The following CCDC73 variants were observed in gnomAD, a reference collection of about 807,000 sequenced individuals.
CCDC73 encodes coiled-coil domain containing 73.
A neutral mutation model predicts 116.5 loss-of-function variants in CCDC73; 95 were observed. The observed-to-expected ratio is 0.82, with a 90% CI of 0.69 to 0.97. The LOEUF is 0.97. Ranked by LOEUF, CCDC73 falls within the 50% of genes least tolerant of loss-of-function variation. CCDC73 has a pLI of 0.00. For synonymous variants in CCDC73, 398 were observed against 401.3 expected, an observed-to-expected ratio of 0.99 and a Z score of 0.10; for missense variants, 1,066 against 1,206.8, an observed-to-expected ratio of 0.88 and a Z score of 1.73.
rs1855419407 is a variant in CCDC73, at chr11:32,611,197, C to T, written c.2965G>A (p.Glu989Lys). 1 of 1,613,474 alleles carries T rather than the reference C, an allele frequency of 6.2e-7. No homozygotes were observed. Reference protein sequence around the residue: ...NWSIHPDPKGEPSEEKNAMAK... With the variant: ...NWSIHPDPKGKPSEEKNAMAK... ...ATTGCATTCTTCTCTTCACTGGGTT[C>T]TCCCTTGGGATCTGGATGGATACTC... is the stretch of plus-strand genomic sequence containing the variant. Residue 989 changes from glutamate (E) to lysine (K), a missense_variant, in exon 17 of 18, where the codon GAA (glutamate) becomes AAA (lysine). Transcript: ENST00000335185.
intron 14 of CCDC73, among the ~76,000 whole-genome samples, chr11:32,633,081 G>A (rs1407906747): frequency 6.6e-6 from 1 of 152,198 alleles, no homozygotes; most frequent in Non-Finnish European, 1.5e-5. Context: ...CTGAGACGGA[G>A]TCTCACTCTG....
At chr11:32,795,308 C>CA (rs1186108971), upstream of CCDC73, among the ~76,000 whole-genome samples, 1 of 151,404 alleles carries the variant, frequency 6.6e-6, no homozygotes, top group Non-Finnish European at 1.5e-5. Context: ...CGTCTCTACC[C>CA]AAAAATACAA....
At chr11:32,777,116 T>G (rs1850544565) in intron 1 of CCDC73, among the ~76,000 whole-genome samples, 1 of 144,568 alleles carries the variant, frequency 6.9e-6, no homozygotes, top group Non-Finnish European at 1.5e-5. Context: ...TTTTTTTTTT[T>G]GAGACGGAGT....
intron 2 of CCDC73, among the ~76,000 whole-genome samples, chr11:32,754,392 G>C (rs540877434): frequency 1.3e-5 from 2 of 152,206 alleles, no homozygotes; most frequent in Admixed American, 6.5e-5. Context: ...AAATATAAGA[G>C]AGTTAAGAGT....
rs551494940 is a variant in CCDC73 at position 32,654,151 on chromosome 11, C to A, written c.775-114G>T. ...TGACCTATTCCTACCCCCAGAGTACCCACATTTGTTTTTTTGTTTGTTTAT... is the reference window on the plus strand; with the variant it reads ...TGACCTATTCCTACCCCCAGAGTACACACATTTGTTTTTTTGTTTGTTTAT... On this transcript the variant is annotated intron_variant, in intron 10 of 17. Coordinates refer to ENST00000335185, the MANE Select transcript of CCDC73 (RefSeq NM_001008391.4). 2.5e-4 allele frequency: 235 copies of A among 924,822 alleles called. 1 individual carries two copies. The South Asian group carries it at 4.6e-3, about 18-fold the overall frequency. The allele number at this position is 924,822 out of a possible 1,614,324, so 57.3% of individuals were successfully genotyped here.
At chr11:32,760,296 C>G in intron 1 of CCDC73, 38 bp from the exon 2 acceptor site, 2 of 1,206,830 alleles carry the variant, frequency 1.7e-6, no homozygotes, top group South Asian at 1.4e-5. Context: ...AAAAAATTAT[C>G]TAGGTTTTTC....
At chr11:32,742,061 A>T (rs149654788) in intron 2 of CCDC73, among the ~76,000 whole-genome samples, 2 of 152,094 alleles carry the variant, frequency 1.3e-5, no homozygotes, top group Non-Finnish European at 2.9e-5. Context: ...TCTATCATTG[A>T]TGGACACCTG....
At chr11:32,755,142 T>A (rs1850321663) in intron 2 of CCDC73, among the ~76,000 whole-genome samples, 1 of 145,976 alleles carries the variant, frequency 6.9e-6, no homozygotes, top group Admixed American at 7.2e-5. Flanking sequence ...CACCTCAGCC[T>A]CCCAAAGTGC....
chr11:32,631,849 T>C (rs1272723832), intron 14 of CCDC73, among the ~76,000 whole-genome samples: 1 of 152,006 alleles, frequency 6.6e-6, no homozygotes, highest in East Asian at 1.9e-4. Flanking sequence ...TCTCTTTCAA[T>C]AGACATATAG....
intron 14 of CCDC73, among the ~76,000 whole-genome samples, chr11:32,632,746 T>C (rs1855643019): frequency 6.6e-6 from 1 of 152,104 alleles, no homozygotes; most frequent in Non-Finnish European, 1.5e-5. Flanking sequence ...TGTGTGTGTA[T>C]GTTGTGTATA....
At chr11:32,806,820 T>G in the CCDC73 span, among the ~76,000 whole-genome samples, 1 of 152,168 alleles carries the variant, frequency 6.6e-6, no homozygotes, top group African/African-American at 2.4e-5. Context: ...CTGATAGGTC[T>G]GACATGGGCC....
intron 2 of CCDC73, among the ~76,000 whole-genome samples, chr11:32,725,314 T>A (rs1037036399): frequency 6.6e-6 from 1 of 152,174 alleles, no homozygotes; most frequent in East Asian, 1.9e-4. Context: ...TAGCTGTTGT[T>A]AACTTCTTAT....
intron 2 of CCDC73, among the ~76,000 whole-genome samples, chr11:32,744,564 T>A (rs2133360663): frequency 6.6e-6 from 1 of 152,348 alleles, no homozygotes; most frequent in South Asian, 2.1e-4. Flanking sequence ...GGTAGTCCAT[T>A]AATTATTGCC....
At chr11:32,651,501 G>A (rs959329573) in intron 12 of CCDC73, among the ~76,000 whole-genome samples, 14 of 152,176 alleles carry the variant, frequency 9.2e-5, no homozygotes, top group Non-Finnish European at 4.4e-5. Context: ...GGACGGGAAC[G>A]AGGAGTAGGA....
chr11:32,812,562 G>A, the CCDC73 span, among the ~76,000 whole-genome samples: 1 of 151,734 alleles, frequency 6.6e-6, no homozygotes, highest in East Asian at 1.9e-4. Flanking sequence ...CCAGCTACTC[G>A]GGAGGCTGAG....
chr11:32,637,324 T>C (rs749905368), intron 13 of CCDC73, among the ~76,000 whole-genome samples: 25 of 152,070 alleles, frequency 1.6e-4, no homozygotes, highest in Non-Finnish European at 3.4e-4. Context: ...TCTTTCTCAT[T>C]TCTTAAAGTC....
At chr11:32,604,465 ATT>A (rs1444955914) in intron 17 of CCDC73, 17 of 152,216 alleles carry the variant, frequency 1.1e-4, no homozygotes, top group African/African-American at 3.9e-4. Context: ...CAGGATAAGA[ATT>A]ACATTAAAAT....
At chr11:32,655,128 C>T (rs1374699509) in intron 9 of CCDC73, among the ~76,000 whole-genome samples, 156 bp from the exon 10 acceptor site, 3 of 18,116 alleles carry the variant, frequency 1.7e-4, no homozygotes, top group Non-Finnish European at 1.5e-4. Flanking sequence ...AAGGTGGGAA[C>T]ATAATCTGCG....
rs1287258280 is a variant in CCDC73, at chr11:32,742,137, ACAG to A, written c.135+17969_135+17971del. ...TAAACATACGTGTGCATGTGTCTTT[ACAG>A]CAGCATGATTTATAATCCTTTGGGT... is the stretch of plus-strand genomic sequence containing the variant. On this transcript the variant is annotated intron_variant, in intron 2 of 17. Transcript: ENST00000335185. Among the ~76,000 whole-genome samples the A allele has an allele frequency of 1.9e-4, 29 of 152,274 alleles. No homozygotes were observed. The East Asian group carries it at 5.6e-3, about 29-fold the overall frequency.
Sources: allele counts gnomAD v4.1 joint callset (sites outside exome capture counted in the v4.1 genomes callset), GRCh38; gene constraint gnomAD v4.1.1; transcripts MANE v1.5; gene names NCBI Gene and HGNC (gene_info 2026-07-23, HGNC 2026-07-21).